BAZ1B: variants seen among roughly 807,000 people sequenced by gnomAD.
The protein encoded by BAZ1B is tyrosine-protein kinase BAZ1B.
A neutral mutation model predicts 153.8 loss-of-function variants in BAZ1B; 22 were observed. The ratio of observed to expected loss-of-function variants is 0.14; its 90% CI spans 0.10 to 0.20. BAZ1B has a LOEUF of 0.20. Among genes scored for constraint, BAZ1B ranks in the 10% least tolerant of loss-of-function variants. The pLI is 1.00. For missense variants in BAZ1B, 1,325 were observed against 1,799.3 expected (o/e 0.74, Z 4.77); for synonymous variants, 676 against 633.4 (o/e 1.07, Z -1.01).
At chr7:73,464,143 G>T (rs1554570818) in intron 11 of BAZ1B, 1 of 984,776 alleles carries the variant, frequency 1.0e-6, no homozygotes, top group African/African-American at 1.7e-5. Flanking sequence ...CAAAAGTCTG[G>T]CAATGGTGTA....
Position 73,515,009 on chromosome 7 carries a change from T to C in BAZ1B, c.108-4157A>G, listed in dbSNP as rs576778393. Among the ~76,000 whole-genome samples the C allele has an allele frequency of 6.6e-5, 10 of 151,704 alleles. No individual in the cohort carries two copies. The South Asian group carries it at 2.1e-3, about 32-fold the overall frequency. On this transcript the variant is annotated intron_variant, in intron 1 of 19. Coordinates refer to ENST00000339594, the MANE Select transcript of BAZ1B (RefSeq NM_032408.4). ...ACTGCTTGAATGAGGAAGGCGGAGG[T>C]TGCAGTGAGCCAAGATCACACCGCT...
chr7:73,496,402 C>A (rs960440668), intron 4 of BAZ1B, among the ~76,000 whole-genome samples: 1 of 152,234 alleles, frequency 6.6e-6, no homozygotes, highest in Non-Finnish European at 1.5e-5. Context: ...CAAAAACCAT[C>A]TGCACAGATC....
chr7:73,476,957 G>C lies in BAZ1B; in HGVS notation c.2504C>G (p.Ala835Gly), dbSNP rs1789022472. Residue 835 changes from alanine (A) to glycine (G), a missense_variant, in exon 7 of 20, where the codon GCT (alanine) becomes GGT (glycine). Coordinates refer to ENST00000339594, the MANE Select transcript of BAZ1B (RefSeq NM_032408.4). ...VKFEPQVDTE[A>G]EDMISAVKSR... ...CTTCACAGCACTAATCATGTCTTCA[G>C]CTTCTGTATCTACTTGGGGCTCAAA... is the stretch of plus-strand genomic sequence containing the variant. 1 of 1,613,940 alleles carries C rather than the reference G, an allele frequency of 6.2e-7. No homozygotes were observed. Among genetic ancestry groups the C allele is most frequent in the African/African-American group, 1.3e-5 (1 of 74,892 alleles).
At chr7:73,483,775 T>C (rs1789289447) in intron 6 of BAZ1B, among the ~76,000 whole-genome samples, 1 of 151,948 alleles carries the variant, frequency 6.6e-6, no homozygotes, top group East Asian at 1.9e-4. Context: ...CAAAGTAGCT[T>C]GGACTAGAGG....
intron 9 of BAZ1B, among the ~76,000 whole-genome samples, chr7:73,466,743 G>A (rs1788602447): frequency 6.6e-6 from 1 of 152,186 alleles, no homozygotes; most frequent in African/African-American, 2.4e-5. Flanking sequence ...GGCATCTGTA[G>A]TGAAGCAGAG....
At position 73,518,646 on chromosome 7, in the gene BAZ1B, T is replaced by C. The variant is rs556096489; in HGVS notation, c.107+3181A>G. Reference sequence around the variant, plus strand: ...TCTTGAGTCCGGTTCAAGGCTTCCCTGTGCTACCACCTCGTCTGTGAACAG... The same window carrying C: ...TCTTGAGTCCGGTTCAAGGCTTCCCCGTGCTACCACCTCGTCTGTGAACAG... On this transcript the variant is annotated intron_variant, in intron 1 of 19. Transcript: ENST00000339594. 6.6e-5 allele frequency among the ~76,000 whole-genome samples: 10 copies of C among 151,642 alleles called. 1 individual carries two copies. The East Asian group carries it at 2.0e-3, about 30-fold the overall frequency.
intron 6 of BAZ1B, among the ~76,000 whole-genome samples, chr7:73,478,824 A>G (rs776692203): frequency 6.6e-6 from 1 of 152,222 alleles, no homozygotes; most frequent in African/African-American, 2.4e-5. Flanking sequence ...CTGTTTATGT[A>G]TATTAATGAT....
At chr7:73,504,934 C>T (rs984726155) in intron 3 of BAZ1B, among the ~76,000 whole-genome samples, 1 of 152,076 alleles carries the variant, frequency 6.6e-6, no homozygotes, top group South Asian at 2.1e-4. Flanking sequence ...ATTATTGAAA[C>T]AAAGAAAGAA....
rs186585537 is a variant in BAZ1B at position 73,495,237 on chromosome 7, C to T, written c.572-2316G>A. On this transcript the variant is annotated intron_variant, in intron 4 of 19. Coordinates refer to ENST00000339594, the MANE Select transcript of BAZ1B (RefSeq NM_032408.4). ...GGCGAAGGTTGCAGTGAGCCAAGAT[C>T]GTGCCACTGCGCTCCAGCCTGGGTG... Among the ~76,000 whole-genome samples, 339 of 152,260 alleles carry T rather than the reference C, an allele frequency of 2.2e-3. 2 individuals carry two copies. The highest frequency in any genetic ancestry group is 1.6e-3 in the Non-Finnish European group (108 of 68,022).
At chr7:73,482,775 T>C (rs1789250226) in intron 6 of BAZ1B, among the ~76,000 whole-genome samples, 1 of 152,170 alleles carries the variant, frequency 6.6e-6, no homozygotes, top group Non-Finnish European at 1.5e-5. Flanking sequence ...AGGTGTGTTT[T>C]TGTGCCAAGC....
At chr7:73,467,457 C>A (rs1305310177) in intron 9 of BAZ1B, among the ~76,000 whole-genome samples, 1 of 152,106 alleles carries the variant, frequency 6.6e-6, no homozygotes, top group African/African-American at 2.4e-5. Flanking sequence ...GCAACCCCTG[C>A]CTCCTGGGCT....
intron 9 of BAZ1B, among the ~76,000 whole-genome samples, chr7:73,466,704 T>C (rs1456825304): frequency 6.6e-6 from 1 of 152,198 alleles, no homozygotes; most frequent in Non-Finnish European, 1.5e-5. Flanking sequence ...ATAAAGAATT[T>C]ACTCCTTTTA....
chr7:73,500,053 A>G (rs1790063746), intron 3 of BAZ1B, among the ~76,000 whole-genome samples: 1 of 152,080 alleles, frequency 6.6e-6, no homozygotes, highest in Non-Finnish European at 1.5e-5. Flanking sequence ...GGCTCAAGCA[A>G]TTCTCTCGCC....
At chr7:73,479,965 C>T (rs782558624) in intron 6 of BAZ1B, among the ~76,000 whole-genome samples, 1 of 151,968 alleles carries the variant, frequency 6.6e-6, no homozygotes, top group African/African-American at 2.4e-5. Flanking sequence ...GTCAGGAGAT[C>T]GAGACCATCC....
At chr7:73,471,649 C>T (rs1788807526) in intron 7 of BAZ1B, among the ~76,000 whole-genome samples, 1 of 151,954 alleles carries the variant, frequency 6.6e-6, no homozygotes, top group Admixed American at 6.6e-5. Context: ...TGCACTCAGC[C>T]CCAATAATTT....
chr7:73,507,279 T>C (rs79862839), intron 3 of BAZ1B: 14,071 of 152,142 alleles, frequency 0.092, 783 homozygotes, highest in Middle Eastern at 0.13. Context: ...ATTGCATGGG[T>C]TGGGCACAGT....
intron 1 of BAZ1B, among the ~76,000 whole-genome samples, chr7:73,519,211 C>T (rs1790932355): frequency 6.6e-6 from 1 of 152,074 alleles, no homozygotes; most frequent in Admixed American, 6.6e-5. Context: ...ACACAAAGTT[C>T]TGTGATACAT....
At chr7:73,474,412 G>T (rs1228538328) in intron 7 of BAZ1B, among the ~76,000 whole-genome samples, 1 of 152,106 alleles carries the variant, frequency 6.6e-6, no homozygotes, top group African/African-American at 2.4e-5. Context: ...AGTAACAAAA[G>T]AATAAATAGA....
chr7:73,496,550 C>T (rs1181497268), intron 4 of BAZ1B, among the ~76,000 whole-genome samples: 1 of 152,186 alleles, frequency 6.6e-6, no homozygotes, highest in Non-Finnish European at 1.5e-5. Flanking sequence ...ACACCAAACA[C>T]TTGGTGCACC....
Sources: gnomAD v4.1 joint callset for allele counts (sites outside exome capture counted in the v4.1 genomes callset) on GRCh38, gnomAD v4.1.1 for gene constraint, MANE v1.5 for transcripts, NCBI Gene and HGNC (gene_info 2026-07-23, HGNC 2026-07-21) for gene names.